Variants in LDLRAD4 observed in about 807,000 individuals in gnomAD.
The protein encoded by LDLRAD4 is low density lipoprotein receptor class A domain containing 4, also known as low-density lipoprotein receptor class A domain-containing protein 4.
LDLRAD4 carries 5 observed loss-of-function variants against 17.0 expected under a neutral mutation model. That is an observed-to-expected ratio of 0.29 (90% CI 0.15 to 0.62). The LOEUF (loss-of-function observed/expected upper bound fraction) is 0.62. Among genes scored for constraint, LDLRAD4 ranks in the 20% least tolerant of loss-of-function variants. The probability of loss-of-function intolerance (pLI) is 0.84; values close to 1 mark genes in which losing one functional copy is unlikely to be tolerated. For synonymous variants in LDLRAD4, 168 were observed against 171.8 expected, an observed-to-expected ratio of 0.98 and a Z score of 0.17; for missense variants, 340 against 424.7, an observed-to-expected ratio of 0.80 and a Z score of 1.75.
chr18:13,531,447 A>C (rs958959530), intron 3 of LDLRAD4, among the ~76,000 whole-genome samples: 17 of 144,220 alleles, frequency 1.2e-4, no homozygotes, highest in African/African-American at 3.8e-4. Flanking sequence ...CCATATCTAA[A>C]AAAAAAAAAA....
intron 1 of LDLRAD4, among the ~76,000 whole-genome samples, chr18:13,336,386 A>G (rs2082105952): frequency 6.6e-6 from 1 of 152,184 alleles, no homozygotes; most frequent in Non-Finnish European, 1.5e-5. Flanking sequence ...ATGTAGATTT[A>G]AATCTCCTTG....
At chr18:13,623,207 G>A (rs980123985) in intron 4 of LDLRAD4, among the ~76,000 whole-genome samples, 6 of 152,230 alleles carry the variant, frequency 3.9e-5, no homozygotes, top group African/African-American at 9.6e-5. Flanking sequence ...CCCGGGAAGC[G>A]CTGGCTGCCC....
intron 3 of LDLRAD4, among the ~76,000 whole-genome samples, chr18:13,512,599 T>C (rs1190012894): frequency 2.0e-5 from 3 of 152,254 alleles, no homozygotes; most frequent in Non-Finnish European, 4.4e-5. Flanking sequence ...TCACAGTTCC[T>C]AGGTTAAATG....
chr18:13,401,857 A>C (rs1405221001), intron 2 of LDLRAD4, among the ~76,000 whole-genome samples: 2 of 152,130 alleles, frequency 1.3e-5, no homozygotes, highest in African/African-American at 2.4e-5. Flanking sequence ...CCCTGCTGGA[A>C]GTTATCCTCA....
At chr18:13,476,874 A>G (rs1451503020) in intron 3 of LDLRAD4, among the ~76,000 whole-genome samples, 2 of 152,182 alleles carry the variant, frequency 1.3e-5, no homozygotes, top group Admixed American at 6.5e-5. Flanking sequence ...GCTTCAGCTT[A>G]TATTTTTGGA....
intron 3 of LDLRAD4, among the ~76,000 whole-genome samples, chr18:13,482,793 C>G (rs1316913881): frequency 6.6e-6 from 1 of 152,206 alleles, no homozygotes; most frequent in East Asian, 1.9e-4. Context: ...CAAAGGTTGT[C>G]TAATTATGCA....
intron 1 of LDLRAD4, among the ~76,000 whole-genome samples, chr18:13,305,022 A>T (rs1241874837): frequency 2.0e-5 from 3 of 152,224 alleles, no homozygotes; most frequent in African/African-American, 7.2e-5. Context: ...ATTTTTTTCA[A>T]TAAATATATT....
At chr18:13,326,170 T>A (rs2081524955) in intron 1 of LDLRAD4, among the ~76,000 whole-genome samples, 1 of 152,108 alleles carries the variant, frequency 6.6e-6, no homozygotes, top group Non-Finnish European at 1.5e-5. Context: ...TTAGGGTGCA[T>A]CTGGAAAAAT....
At chr18:13,442,470 G>A (rs971052430) in intron 3 of LDLRAD4, among the ~76,000 whole-genome samples, 3 of 152,220 alleles carry the variant, frequency 2.0e-5, no homozygotes, top group African/African-American at 7.2e-5. Context: ...CAATGAGGGT[G>A]GCGCTGTCTT....
At chr18:13,512,385 A>T (rs12326936) in intron 3 of LDLRAD4, among the ~76,000 whole-genome samples, 13,039 of 152,198 alleles carry the variant, frequency 0.086, 1,057 homozygotes, top group African/African-American at 0.21. Context: ...TAATCTCAAA[A>T]CAGGAACATC....
At chr18:13,534,011 A>G (rs2094166908) in intron 3 of LDLRAD4, among the ~76,000 whole-genome samples, 1 of 152,140 alleles carries the variant, frequency 6.6e-6, no homozygotes, top group Non-Finnish European at 1.5e-5. Flanking sequence ...AATAATCTCC[A>G]GGTGTGTCTT....
intron 3 of LDLRAD4, among the ~76,000 whole-genome samples, chr18:13,552,758 T>G (rs1203469830): frequency 6.6e-6 from 1 of 152,204 alleles, no homozygotes; most frequent in East Asian, 1.9e-4. Flanking sequence ...AATCTGTCCG[T>G]CTCCCTCTTC....
intron 1 of LDLRAD4, among the ~76,000 whole-genome samples, chr18:13,360,063 A>G (rs1016749230): frequency 6.6e-6 from 1 of 152,188 alleles, no homozygotes; most frequent in Non-Finnish European, 1.5e-5. Context: ...CACAGAATGG[A>G]AAGATGAGAA....
intron 3 of LDLRAD4, chr18:13,521,400 T>G (rs1036519248): frequency 8.5e-5 from 13 of 152,212 alleles, no homozygotes; most frequent in African/African-American, 3.1e-4. Context: ...TCTGGAGTCA[T>G]TAGGAGCTTT....
chr18:13,359,613 A>C (rs749262814), intron 1 of LDLRAD4, among the ~76,000 whole-genome samples: 4 of 152,214 alleles, frequency 2.6e-5, no homozygotes, highest in Non-Finnish European at 5.9e-5. Context: ...TTTTAATTGC[A>C]GATAAGACAT....
chr18:13,401,047 G>A lies in LDLRAD4; in HGVS notation c.40+13285G>A, dbSNP rs1040616203. ...GAAGGAGATGGGCAAGAGATGGGGG[G>A]AATGGCCGTTGCTGATAGGAGGGCA... On this transcript the variant is annotated intron_variant, in intron 2 of 5. Coordinates refer to ENST00000359446, the Ensembl canonical transcript of LDLRAD4. 2.4e-4 allele frequency among the ~76,000 whole-genome samples: 37 copies of A among 152,048 alleles called. 1 individual carries two copies. Among genetic ancestry groups the A allele is most frequent in the African/African-American group, 8.2e-4 (34 of 41,328 alleles).
At chr18:13,568,010 C>T (rs1290933971) in intron 3 of LDLRAD4, among the ~76,000 whole-genome samples, 1 of 151,176 alleles carries the variant, frequency 6.6e-6, no homozygotes, top group Non-Finnish European at 1.5e-5. Context: ...TTTGGCCGGG[C>T]ACTGTGGCTC....
chr18:13,642,920 TA>T (rs1240751788), intron 4 of LDLRAD4, among the ~76,000 whole-genome samples: 4 of 129,840 alleles, frequency 3.1e-5, no homozygotes, highest in African/African-American at 1.1e-4. Flanking sequence ...TTTGTTTATC[TA>T]TTTTTTGTTT....
chr18:13,339,211 ACTT>A (rs1419278282), intron 1 of LDLRAD4, among the ~76,000 whole-genome samples: 6 of 134,972 alleles, frequency 4.4e-5, no homozygotes, highest in Admixed American at 7.7e-5. Flanking sequence ...TAGTATCACT[ACTT>A]TTTTTTTTTT....
Sources: allele counts gnomAD v4.1 joint callset (sites outside exome capture counted in the v4.1 genomes callset), GRCh38; gene constraint gnomAD v4.1.1; transcripts MANE v1.5; gene names NCBI Gene and HGNC (gene_info 2026-07-23, HGNC 2026-07-21).